Variants in PTPRG observed in about 807,000 individuals in gnomAD.
The protein encoded by PTPRG is protein tyrosine phosphatase receptor type G.
In PTPRG, 102 loss-of-function variants were observed where a neutral mutation model predicts 165.3. That is an observed-to-expected ratio of 0.62 (90% CI 0.53 to 0.73). The LOEUF (loss-of-function observed/expected upper bound fraction) is 0.73. Ranked by LOEUF, PTPRG falls within the 30% of genes least tolerant of loss-of-function variation. PTPRG has a pLI of 0.00. For missense variants in PTPRG, 1,866 were observed against 1,861.4 expected, an observed-to-expected ratio of 1.00 and a Z score of -0.05; for synonymous variants, 675 against 669.5, an observed-to-expected ratio of 1.01 and a Z score of -0.13.
intron 2 of PTPRG, among the ~76,000 whole-genome samples, chr3:61,756,749 T>C (rs2033647512): frequency 6.6e-6 from 1 of 152,188 alleles, no homozygotes; most frequent in South Asian, 2.1e-4. Context: ...TAAGATGAAA[T>C]ACTGTTTAGT....
At chr3:62,020,121 G>C (rs895593544) in intron 4 of PTPRG, among the ~76,000 whole-genome samples, 1 of 151,614 alleles carries the variant, frequency 6.6e-6, no homozygotes, top group Non-Finnish European at 1.5e-5. Context: ...TCCAGTACTT[G>C]GCAGAGGGTA....
Position 61,755,234 on chromosome 3 carries a change from C to T in PTPRG, c.190+6252C>T, listed in dbSNP as rs564096298. Among the ~76,000 whole-genome samples the T allele has an allele frequency of 3.9e-5, 6 of 152,310 alleles. No individual in the cohort carries two copies. The East Asian group carries it at 9.7e-4, about 25-fold the overall frequency. On this transcript the variant is annotated intron_variant, in intron 2 of 29. Transcript: ENST00000474889. Reference sequence around the variant, plus strand: ...TGTTAGCAAGGCTGGTCTCGAACTCCTGACCTCAAGTGATCTGCCTGTCTT... The same window carrying T: ...TGTTAGCAAGGCTGGTCTCGAACTCTTGACCTCAAGTGATCTGCCTGTCTT...
At chr3:61,952,336 T>C (rs950250036) in intron 2 of PTPRG, among the ~76,000 whole-genome samples, 1 of 152,050 alleles carries the variant, frequency 6.6e-6, no homozygotes, top group African/African-American at 2.4e-5. Context: ...GTTTGTGAGC[T>C]GGGAGTGACA....
intron 5 of PTPRG, among the ~76,000 whole-genome samples, chr3:62,078,780 T>C (rs1002895591): frequency 2.0e-5 from 3 of 152,206 alleles, no homozygotes; most frequent in African/African-American, 7.2e-5. Flanking sequence ...TTAATATGAT[T>C]GTGTTGATGA....
intron 1 of PTPRG, among the ~76,000 whole-genome samples, chr3:61,665,697 A>G (rs1243434829): frequency 1.3e-5 from 2 of 152,066 alleles, no homozygotes; most frequent in African/African-American, 4.8e-5. Context: ...GTGTGGTGGC[A>G]TGCACCTGTA....
intron 8 of PTPRG, among the ~76,000 whole-genome samples, chr3:62,173,991 A>G (rs1705320634): frequency 6.6e-6 from 1 of 152,236 alleles, no homozygotes. Context: ...ATAAAGCTCT[A>G]GTTGCAGTAA....
chr3:61,809,770 A>G (rs2035519159), intron 2 of PTPRG, among the ~76,000 whole-genome samples: 1 of 152,204 alleles, frequency 6.6e-6, no homozygotes, highest in South Asian at 2.1e-4. Flanking sequence ...AAGGCATTTG[A>G]ATCCTGAACT....
intron 1 of PTPRG, among the ~76,000 whole-genome samples, chr3:61,701,928 GAGGAAGGAGGA>G (rs371732224): frequency 1.3e-5 from 2 of 152,066 alleles, no homozygotes; most frequent in African/African-American, 4.8e-5. Flanking sequence ...GAAGGAGAGG[GAGGAAGGAGGA>G]AGGAAGGAAA....
chr3:62,251,555 G>A (rs1490852636), intron 15 of PTPRG, among the ~76,000 whole-genome samples: 4 of 152,094 alleles, frequency 2.6e-5, no homozygotes, highest in Non-Finnish European at 2.9e-5. Context: ...AGGATCACTT[G>A]AGCTCAGGAG....
At chr3:61,978,174 C>T (rs551527748) in intron 2 of PTPRG, among the ~76,000 whole-genome samples, 4 of 152,294 alleles carry the variant, frequency 2.6e-5, no homozygotes, top group Non-Finnish European at 5.9e-5. Context: ...TGATTGATTT[C>T]TAGCATCTCT....
intron 8 of PTPRG, among the ~76,000 whole-genome samples, chr3:62,189,389 G>A (rs1200875876): frequency 6.6e-6 from 1 of 152,124 alleles, no homozygotes; most frequent in African/African-American, 2.4e-5. Context: ...TGGGTTTTGG[G>A]TTCTTGAGTA....
intron 4 of PTPRG, among the ~76,000 whole-genome samples, chr3:62,073,144 A>C (rs564568995): frequency 6.6e-6 from 1 of 152,326 alleles, no homozygotes; most frequent in South Asian, 2.1e-4. Flanking sequence ...GTCCATATGG[A>C]TGTAAATGAA....
At chr3:62,189,378 T>C (rs1175642755) in intron 8 of PTPRG, among the ~76,000 whole-genome samples, 1 of 152,094 alleles carries the variant, frequency 6.6e-6, no homozygotes, top group Admixed American at 6.6e-5. Context: ...CAGAGCTGCC[T>C]TGGGTTTTGG....
At chr3:61,956,064 G>A (rs1417455192) in intron 2 of PTPRG, among the ~76,000 whole-genome samples, 1 of 148,846 alleles carries the variant, frequency 6.7e-6, no homozygotes, top group East Asian at 2.0e-4. Context: ...GAAAATGAAA[G>A]AGCATGTGGA....
At chr3:62,008,892 C>T (rs981142510) in intron 4 of PTPRG, among the ~76,000 whole-genome samples, 2 of 152,224 alleles carry the variant, frequency 1.3e-5, no homozygotes, top group Non-Finnish European at 2.9e-5. Flanking sequence ...TCCTGCTGTG[C>T]GGCCCAGATC....
intron 8 of PTPRG, among the ~76,000 whole-genome samples, chr3:62,181,329 T>A (rs1705640583): frequency 6.6e-6 from 1 of 152,202 alleles, no homozygotes; most frequent in South Asian, 2.1e-4. Flanking sequence ...GACCTAATCT[T>A]GGGCCACTCT....
intron 4 of PTPRG, among the ~76,000 whole-genome samples, chr3:62,005,783 A>G (rs754562793): frequency 1.1e-4 from 15 of 132,206 alleles, no homozygotes; most frequent in Admixed American, 8.6e-4. Context: ...GCTCACTGCA[A>G]TCTCCGCCTC....
At chr3:61,647,094 C>A (rs116255232) in intron 1 of PTPRG, among the ~76,000 whole-genome samples, 1 of 152,074 alleles carries the variant, frequency 6.6e-6, no homozygotes, top group African/African-American at 2.4e-5. Context: ...TTTGAGTGAA[C>A]CTAAGTTTTT....
At chr3:61,998,755 T>G (rs2041101373) in intron 3 of PTPRG, among the ~76,000 whole-genome samples, 1 of 152,204 alleles carries the variant, frequency 6.6e-6, no homozygotes, top group African/African-American at 2.4e-5. Flanking sequence ...TCTGCTTTGA[T>G]TTCATCACAA....
Sources: allele counts gnomAD v4.1 joint callset (sites outside exome capture counted in the v4.1 genomes callset), GRCh38; gene constraint gnomAD v4.1.1; transcripts MANE v1.5; gene names NCBI Gene and HGNC (gene_info 2026-07-23, HGNC 2026-07-21).